Variants in ARHGEF6 observed in about 807,000 individuals in gnomAD.
ARHGEF6 encodes the protein rho guanine nucleotide exchange factor 6.
A neutral mutation model predicts 70.3 loss-of-function variants in ARHGEF6; 9 were observed. The ratio of observed to expected loss-of-function variants is 0.13; its 90% CI spans 0.08 to 0.22. ARHGEF6 has a LOEUF of 0.22. Ranked by LOEUF, ARHGEF6 falls within the 10% of genes least tolerant of loss-of-function variation. The pLI, the probability that ARHGEF6 is intolerant of heterozygous loss-of-function variation, is 1.00. For missense variants in ARHGEF6, 470 were observed against 563.0 expected (o/e 0.83, Z 1.67); for synonymous variants, 201 against 207.8 (o/e 0.97, Z 0.28).
intron 6 of ARHGEF6, among the ~76,000 whole-genome samples, chrX:136,715,029 G>T (rs1339077165): frequency 2.7e-5 from 3 of 111,917 alleles, no homozygotes; most frequent in Non-Finnish European, 5.6e-5. Context: ...CACCTGAAAG[G>T]CAATATTGCC....
At chrX:136,733,979 G>A (rs977463385) in intron 5 of ARHGEF6, among the ~76,000 whole-genome samples, 1 of 112,286 alleles carries the variant, frequency 8.9e-6, no homozygotes, top group African/African-American at 3.2e-5. Flanking sequence ...GGAGGTACTC[G>A]ATCTGGCCCT....
chrX:136,728,059 T>G (rs1166111231), intron 6 of ARHGEF6, among the ~76,000 whole-genome samples: 1 of 112,351 alleles, frequency 8.9e-6, no homozygotes, highest in East Asian at 2.8e-4. Context: ...TTTTTCTGAC[T>G]TTTACTTTTT....
At chrX:136,747,762 T>C (rs112996791) in intron 2 of ARHGEF6, among the ~76,000 whole-genome samples, 170 bp from the exon 3 acceptor site, 1,454 of 105,999 alleles carry the variant, frequency 0.014, 29 homozygotes, top group African/African-American at 0.049. Flanking sequence ...AGAGCAGCAG[T>C]TGAGCCGCCT....
At chrX:136,703,785 G>C (rs1177294078) in intron 9 of ARHGEF6, among the ~76,000 whole-genome samples, 1 of 113,043 alleles carries the variant, frequency 8.8e-6, no homozygotes, top group Non-Finnish European at 1.9e-5. Context: ...GCCTCCCAAA[G>C]TGCTGGGATT....
At chrX:136,737,285 G>C (rs1264158281) in intron 5 of ARHGEF6, 1 of 110,888 alleles carries the variant, frequency 9.0e-6, no homozygotes, top group African/African-American at 3.3e-5. Flanking sequence ...TTTGAGACCA[G>C]CCTGATCAAC....
Position 136,771,424 on chromosome X carries a change from C to A in ARHGEF6, c.249+7990G>T, listed in dbSNP as rs183893558. Among the ~76,000 whole-genome samples the A allele has an allele frequency of 6.7e-3, 747 of 111,889 alleles. 2 individuals carry two copies. The highest frequency in any genetic ancestry group is 0.028 in the Middle Eastern group (6 of 217). On this transcript the variant is annotated intron_variant, in intron 2 of 21. Coordinates refer to ENST00000250617, the MANE Select transcript of ARHGEF6 (RefSeq NM_004840.3). ...GAAAATGAAGAACAAAGTTGAAGGA[C>A]CCGCTTTTAAAACTTACTACGTAGC... is the stretch of plus-strand genomic sequence containing the variant.
At chrX:136,687,790 G>T in intron 11 of ARHGEF6, 142 bp downstream of exon 11, 1 of 570,235 alleles carries the variant, frequency 1.8e-6, no homozygotes, top group South Asian at 2.6e-5. Flanking sequence ...AAAATTAAGT[G>T]AAACAATCAC....
intron 9 of ARHGEF6, among the ~76,000 whole-genome samples, chrX:136,704,521 A>C (rs1451771230): frequency 1.8e-5 from 2 of 112,091 alleles, no homozygotes; most frequent in African/African-American, 6.5e-5. Flanking sequence ...TTTATAAACA[A>C]AGGAGGTTTA....
intron 20 of ARHGEF6, among the ~76,000 whole-genome samples, chrX:136,669,834 A>G (rs978597047): frequency 8.9e-6 from 1 of 112,156 alleles, no homozygotes; most frequent in Non-Finnish European, 1.9e-5. Context: ...AGGGCCCGTC[A>G]CTAAGTTTTT....
intron 2 of ARHGEF6, among the ~76,000 whole-genome samples, chrX:136,760,076 T>C (rs1676519086): frequency 8.9e-6 from 1 of 112,274 alleles, no homozygotes; most frequent in South Asian, 3.7e-4. Flanking sequence ...CATAGGTCTT[T>C]CTTCCAGCTG....
intron 2 of ARHGEF6, chrX:136,767,472 T>G (rs1384789121): frequency 1.3e-6 from 1 of 753,885 alleles, no homozygotes; most frequent in Non-Finnish European, 1.6e-6. Context: ...CCAGGGATTG[T>G]TTTTTAATCT....
chrX:136,680,662 T>TA (rs1274339771), intron 15 of ARHGEF6, 69 bp downstream of exon 15: 1 of 1,145,181 alleles, frequency 8.7e-7, no homozygotes, highest in Non-Finnish European at 1.2e-6. Flanking sequence ...CTGCTTCTTG[T>TA]AAGTCTCCAG....
rs1488710936 is a variant in ARHGEF6, at chrX:136,743,602, C to T, written c.644G>A (p.Arg215His). 3 of 1,209,666 alleles carry T rather than the reference C, an allele frequency of 2.5e-6. No homozygotes were observed. The highest frequency in any genetic ancestry group is 2.2e-6 in the Non-Finnish European group (2 of 894,777). The change falls in exon 5 of 22, where the codon CGT (arginine) becomes CAT (histidine). Residue 215 changes from arginine to histidine, a missense_variant. By Grantham distance (29) the Arg-to-His change is conservative. This residue lies in a region of ARHGEF6 where 379 missense variants were observed against 449.3 expected (regional missense o/e 0.84). Transcript: ENST00000250617. ...RTGWFPSNYV[R>H]EIKSSERPLS... ...TCACTTACCACTGGATTTAATTTCA[C>T]GGACATAATTACTGGGGAACCAGCC...
At chrX:136,727,373 CTT>C (rs1444158656) in intron 6 of ARHGEF6, among the ~76,000 whole-genome samples, 11 of 70,076 alleles carry the variant, frequency 1.6e-4, no homozygotes, top group Non-Finnish European at 2.6e-4. Context: ...TTCTTTCTTT[CTT>C]TCTTTCTTTC....
At chrX:136,736,871 A>G (rs1373479431) in intron 5 of ARHGEF6, among the ~76,000 whole-genome samples, 2 of 111,684 alleles carry the variant, frequency 1.8e-5, no homozygotes, top group Non-Finnish European at 3.8e-5. Context: ...GCTCTTGTCA[A>G]TGACAGGCTC....
intron 17 of ARHGEF6, among the ~76,000 whole-genome samples, chrX:136,677,121 C>T (rs1416127626): frequency 1.8e-5 from 2 of 112,394 alleles, no homozygotes; most frequent in African/African-American, 6.5e-5. Context: ...ACTGTAACCA[C>T]TAATGTAGTA....
chrX:136,766,565 T>C (rs2077316575), intron 2 of ARHGEF6, among the ~76,000 whole-genome samples: 2 of 112,268 alleles, frequency 1.8e-5, no homozygotes, highest in Non-Finnish European at 3.8e-5. Flanking sequence ...ATATAAGACC[T>C]TTGAAGAGGC....
intron 8 of ARHGEF6, among the ~76,000 whole-genome samples, chrX:136,707,587 T>C (rs1268373354): frequency 8.9e-6 from 1 of 112,215 alleles, no homozygotes; most frequent in South Asian, 3.7e-4. Context: ...TGTTGACATG[T>C]TTCTTGGGCT....
chrX:136,717,733 A>G (rs932962368), intron 6 of ARHGEF6, among the ~76,000 whole-genome samples: 1 of 111,596 alleles, frequency 9.0e-6, no homozygotes, highest in African/African-American at 3.3e-5. Context: ...AATTAGGAAT[A>G]CTATGTTATT....
Sources: allele counts gnomAD v4.1 joint callset (sites outside exome capture counted in the v4.1 genomes callset), GRCh38; gene constraint gnomAD v4.1.1; regional missense constraint gnomAD v4.1.1; transcripts MANE v1.5; gene names NCBI Gene and HGNC (gene_info 2026-07-23, HGNC 2026-07-21).